EYS: variants seen among roughly 807,000 people sequenced by gnomAD.
EYS encodes protein eyes shut homolog.
Under a neutral mutation model 282.1 loss-of-function variants are expected in EYS, and 250 were observed. The observed-to-expected ratio is 0.89, with a 90% CI of 0.80 to 0.98. The LOEUF (loss-of-function observed/expected upper bound fraction) is 0.98. Among genes scored for constraint, EYS ranks in the 50% least tolerant of loss-of-function variants. The probability of loss-of-function intolerance (pLI) is 0.00; values close to 1 mark genes in which losing one functional copy is unlikely to be tolerated. For missense variants in EYS, 4,016 were observed against 3,709.0 expected (o/e 1.08, Z -2.15); for synonymous variants, 1,355 against 1,282.9 (o/e 1.06, Z -1.20).
intron 15 of EYS, among the ~76,000 whole-genome samples, chr6:64,920,483 G>T (rs550978125): frequency 6.6e-6 from 1 of 152,194 alleles, no homozygotes; most frequent in South Asian, 2.1e-4. Context: ...GAGCAAGTAA[G>T]TATTACTTCT....
chr6:65,007,309 G>C (rs987800057), intron 13 of EYS, among the ~76,000 whole-genome samples: 3 of 152,034 alleles, frequency 2.0e-5, no homozygotes, highest in Non-Finnish European at 4.4e-5. Flanking sequence ...TTTCCCCCAA[G>C]GCAAAAATGC....
At chr6:64,982,438 G>A (rs1220966012) in intron 14 of EYS, among the ~76,000 whole-genome samples, 1 of 151,224 alleles carries the variant, frequency 6.6e-6, no homozygotes, top group Admixed American at 6.6e-5. Context: ...TTATGTGTAT[G>A]TTTATAATTT....
intron 35 of EYS, among the ~76,000 whole-genome samples, chr6:63,939,574 C>A (rs987607639): frequency 1.3e-5 from 2 of 151,814 alleles, no homozygotes; most frequent in African/African-American, 4.8e-5. Flanking sequence ...ATATAGCAGA[C>A]CCTTGAGCAA....
At chr6:65,582,531 C>A (rs894776757) in intron 2 of EYS, among the ~76,000 whole-genome samples, 2 of 152,078 alleles carry the variant, frequency 1.3e-5, no homozygotes, top group African/African-American at 4.8e-5. Context: ...CATTCTGAAC[C>A]AAAGAAATGG....
At chr6:64,465,176 T>C (rs2150488092) in intron 26 of EYS, among the ~76,000 whole-genome samples, 1 of 152,180 alleles carries the variant, frequency 6.6e-6, no homozygotes, top group South Asian at 2.1e-4. Flanking sequence ...TGTTTAAATG[T>C]TCATACTACC....
chr6:65,649,137 CAAAAAAAAAA>C (rs369237730), intron 1 of EYS, among the ~76,000 whole-genome samples: 3 of 72,684 alleles, frequency 4.1e-5, no homozygotes, highest in East Asian at 4.5e-4. Flanking sequence ...GACTCTGTCT[CAAAAAAAAAA>C]AAAAAAAAAA....
chr6:65,191,491 C>T (rs569007900), intron 12 of EYS, among the ~76,000 whole-genome samples: 2 of 151,886 alleles, frequency 1.3e-5, no homozygotes, highest in East Asian at 1.9e-4. Flanking sequence ...GAAAAATATG[C>T]TCATATATCA....
chr6:64,018,661 T>A (rs1769012693), intron 33 of EYS, among the ~76,000 whole-genome samples: 2 of 152,028 alleles, frequency 1.3e-5, no homozygotes, highest in Admixed American at 1.3e-4. Flanking sequence ...GTTACTTTAT[T>A]TGGAAAAGGG....
At chr6:64,997,847 T>G in intron 13 of EYS, 144 bp from the exon 14 acceptor site, 3 of 653,280 alleles carry the variant, frequency 4.6e-6, no homozygotes, top group Non-Finnish European at 7.1e-6. Flanking sequence ...ATCGATTACA[T>G]AGTCATCTAC....
intron 30 of EYS, among the ~76,000 whole-genome samples, chr6:64,269,686 TC>T (rs1767875687): frequency 6.6e-6 from 1 of 152,080 alleles, no homozygotes; most frequent in Admixed American, 6.6e-5. Flanking sequence ...CACATTATTT[TC>T]CTTAATTTTT....
In EYS at chr6:65,408,141, T is replaced by C. The variant is rs531484529; in HGVS notation, c.863-2774A>G. ...ATCTTGAATCCTGGGGAAAAAATCG[T>C]ACTTTATCAGGATAGAAAAAAATAT... On this transcript the variant is annotated intron_variant, in intron 5 of 42. Transcript: ENST00000503581. Among the ~76,000 whole-genome samples the C allele has an allele frequency of 3.3e-5, 5 of 152,238 alleles. No individual in the cohort carries two copies. In the East Asian group the frequency reaches 9.7e-4, roughly 29 times the overall value.
chr6:64,233,096 G>A (rs1441127296), intron 30 of EYS, among the ~76,000 whole-genome samples: 1 of 152,182 alleles, frequency 6.6e-6, no homozygotes, highest in Non-Finnish European at 1.5e-5. Flanking sequence ...AGAATTAAAT[G>A]CCACTACTTC....
chr6:64,464,876 A>G (rs1343455556), intron 26 of EYS, among the ~76,000 whole-genome samples: 1 of 152,056 alleles, frequency 6.6e-6, no homozygotes, highest in Non-Finnish European at 1.5e-5. Context: ...TAAGATAAAA[A>G]TAAAAATGTT....
At chr6:64,212,883 G>C (rs2150328557) in intron 31 of EYS, among the ~76,000 whole-genome samples, 1 of 152,228 alleles carries the variant, frequency 6.6e-6, no homozygotes, top group Admixed American at 6.5e-5. Context: ...TGATGGACTG[G>C]ATAAAGAAAA....
intron 35 of EYS, among the ~76,000 whole-genome samples, chr6:63,941,189 G>T (rs1765228832): frequency 6.6e-6 from 1 of 152,086 alleles, no homozygotes; most frequent in South Asian, 2.1e-4. Context: ...AATCCTTTGG[G>T]TATATACCCA....
chr6:65,344,853 G>T lies in EYS; in HGVS notation c.1460-676C>A, dbSNP rs138710791. On this transcript the variant is annotated intron_variant, in intron 9 of 42. Transcript: ENST00000503581. ...TTAATAGTGGTAATAAAAGAACATA[G>T]AAGACCTGATCCAATCTTTTTGTAA... Among the ~76,000 whole-genome samples, 620 of 151,704 alleles carry T rather than the reference G, an allele frequency of 4.1e-3. 4 individuals carry two copies. The highest frequency in any genetic ancestry group is 0.015 in the African/African-American group (603 of 41,490).
chr6:64,325,872 A>C (rs1770400348), intron 29 of EYS, among the ~76,000 whole-genome samples: 1 of 152,140 alleles, frequency 6.6e-6, no homozygotes, highest in Non-Finnish European at 1.5e-5. Flanking sequence ...GAAAAAAATA[A>C]GAAAACATGA....
intron 7 of EYS, among the ~76,000 whole-genome samples, chr6:65,387,063 CTT>C (rs1041197769): frequency 1.3e-5 from 2 of 151,882 alleles, no homozygotes; most frequent in Non-Finnish European, 2.9e-5. Flanking sequence ...CTCTTATCCT[CTT>C]TTACTTTTTC....
intron 22 of EYS, among the ~76,000 whole-genome samples, chr6:64,791,182 G>T (rs1774180223): frequency 6.6e-6 from 1 of 151,766 alleles, no homozygotes; most frequent in African/African-American, 2.4e-5. Flanking sequence ...TTTAGCCTCA[G>T]ATCAGAGCAA....
Sources: gnomAD v4.1 joint callset for allele counts (sites outside exome capture counted in the v4.1 genomes callset) on GRCh38, gnomAD v4.1.1 for gene constraint, MANE v1.5 for transcripts, NCBI Gene and HGNC (gene_info 2026-07-23, HGNC 2026-07-21) for gene names.